The following CSMD1 variants were observed in gnomAD, a reference collection of about 807,000 sequenced individuals.
The protein encoded by CSMD1 is CUB and sushi domain-containing protein 1.
A neutral mutation model predicts 417.5 loss-of-function variants in CSMD1; 213 were observed. That is an observed-to-expected ratio of 0.51 (90% confidence interval 0.46 to 0.57). The LOEUF (loss-of-function observed/expected upper bound fraction) is 0.57, where lower values mean the gene tolerates loss of function less well. CSMD1 is among the 20% of genes least tolerant of loss of function. CSMD1 has a pLI of 0.00. For missense variants in CSMD1, 6,923 were observed against 4,529.7 expected (o/e 1.53, Z -15.17); for synonymous variants, 2,862 against 1,736.8 (o/e 1.65, Z -16.11).
At chr8:4,849,047 G>A (rs1290247562) in intron 1 of CSMD1, among the ~76,000 whole-genome samples, 2 of 152,208 alleles carry the variant, frequency 1.3e-5, no homozygotes, top group East Asian at 1.9e-4. Flanking sequence ...ACCTGTTATA[G>A]TCCCTGAAGA....
intron 3 of CSMD1, among the ~76,000 whole-genome samples, chr8:4,405,108 G>A (rs1266480225): frequency 6.6e-6 from 1 of 152,172 alleles, no homozygotes; most frequent in Non-Finnish European, 1.5e-5. Flanking sequence ...GAGATTTTCA[G>A]ACTATTGCCT....
At chr8:3,752,936 C>T (rs1036481406) in intron 6 of CSMD1, among the ~76,000 whole-genome samples, 1 of 152,132 alleles carries the variant, frequency 6.6e-6, no homozygotes, top group Admixed American at 6.6e-5. Flanking sequence ...GATATTTAGA[C>T]CAGTTTGTTG....
chr8:3,194,700 G>A (rs1474460547), intron 33 of CSMD1, among the ~76,000 whole-genome samples: 1 of 151,406 alleles, frequency 6.6e-6, no homozygotes, highest in South Asian at 2.1e-4. Flanking sequence ...AAACTCCTGA[G>A]CTCAGATAAT....
At chr8:3,786,247 G>A (rs1014362084) in intron 5 of CSMD1, among the ~76,000 whole-genome samples, 1 of 152,124 alleles carries the variant, frequency 6.6e-6, no homozygotes, top group Non-Finnish European at 1.5e-5. Flanking sequence ...ATTGTCGGGA[G>A]ATGTCAAGGC....
intron 6 of CSMD1, among the ~76,000 whole-genome samples, chr8:3,730,368 C>G (rs7843037): frequency 0.012 from 601 of 50,324 alleles, 7 homozygotes; most frequent in African/African-American, 0.03. Context: ...ATTTAAGGAG[C>G]GATTTTTTTT....
chr8:4,023,779 TTTTTTG>T lies in CSMD1; in HGVS notation c.610+8120_610+8125del, dbSNP rs1346889753. On this transcript the variant is annotated intron_variant, in intron 4 of 69. Coordinates refer to ENST00000635120, the MANE Select transcript of CSMD1 (RefSeq NM_033225.6). ...TTTTTTTTTTTTTTTTTTTTTTTTT[TTTTTTG>T]TGTGTGTATTTTTAGTAGAGACGGG... is the stretch of plus-strand genomic sequence containing the variant. 2.1e-3 allele frequency among the ~76,000 whole-genome samples: 220 copies of T among 105,360 alleles called. 2 individuals are homozygous for T. Among genetic ancestry groups the T allele is most frequent in the East Asian group, 4.3e-3 (8 of 1,862 alleles). The allele number at this position is 105,360 out of a possible 152,430, so 69.1% of individuals were successfully genotyped here.
At chr8:3,466,577 A>AT (rs35761429) in intron 12 of CSMD1, among the ~76,000 whole-genome samples, 8,596 of 113,550 alleles carry the variant, frequency 0.076, 571 homozygotes, top group East Asian at 0.14. Flanking sequence ...CAATCAGCTA[A>AT]TTTTTTTTTT....
chr8:4,648,490 C>T (rs1412925764), intron 1 of CSMD1, among the ~76,000 whole-genome samples: 1 of 152,162 alleles, frequency 6.6e-6, no homozygotes, highest in Admixed American at 6.5e-5. Context: ...TGCATGCACA[C>T]AAACACACAC....
intron 46 of CSMD1, among the ~76,000 whole-genome samples, chr8:3,101,772 T>C (rs1331878335): frequency 6.0e-5 from 9 of 150,104 alleles, no homozygotes; most frequent in Admixed American, 2.0e-4. Flanking sequence ...TCCCTAAAAT[T>C]GGTGATAATT....
chr8:3,817,470 G>A lies in CSMD1; in HGVS notation c.819-63428C>T, dbSNP rs142672688. 3.3e-4 allele frequency among the ~76,000 whole-genome samples: 50 copies of A among 151,346 alleles called. 3 individuals carry two copies. In the East Asian group the frequency reaches 9.6e-3, roughly 29 times the overall value. On this transcript the variant is annotated intron_variant, in intron 5 of 69. Transcript: ENST00000635120. ...TCATTTTTGTGTTTTTAGTAGAGACGGGGTTTCACCTCGTTAGCGAGGATG... is the reference window on the plus strand; with the variant it reads ...TCATTTTTGTGTTTTTAGTAGAGACAGGGTTTCACCTCGTTAGCGAGGATG...
At chr8:4,829,141 A>C (rs569736162) in intron 1 of CSMD1, among the ~76,000 whole-genome samples, 3 of 152,308 alleles carry the variant, frequency 2.0e-5, no homozygotes, top group Admixed American at 2.0e-4. Flanking sequence ...TTGGTTTATG[A>C]TTGATCCTGC....
intron 1 of CSMD1, among the ~76,000 whole-genome samples, chr8:4,977,611 C>T (rs951952346): frequency 7.2e-5 from 11 of 152,176 alleles, no homozygotes; most frequent in East Asian, 1.9e-4. Flanking sequence ...CTCCTGAACA[C>T]GCACCCACCC....
chr8:3,686,009 T>C (rs1464417034), intron 7 of CSMD1, among the ~76,000 whole-genome samples: 1 of 152,162 alleles, frequency 6.6e-6, no homozygotes, highest in Non-Finnish European at 1.5e-5. Flanking sequence ...TCTTTCTTTC[T>C]TTCTGTATTT....
intron 6 of CSMD1, among the ~76,000 whole-genome samples, chr8:3,730,748 T>A (rs148165163): frequency 0.01 from 1,553 of 152,306 alleles, 16 homozygotes; most frequent in South Asian, 0.028. Flanking sequence ...TCTATGCAGA[T>A]AGGACCAGAG....
chr8:3,598,926 C>G (rs929866248), intron 8 of CSMD1, among the ~76,000 whole-genome samples: 5 of 151,942 alleles, frequency 3.3e-5, no homozygotes, highest in African/African-American at 9.7e-5. Flanking sequence ...ATGAAAAATA[C>G]AAAAATTAAC....
intron 15 of CSMD1, among the ~76,000 whole-genome samples, chr8:3,402,052 A>G (rs1031517436): frequency 2.6e-5 from 4 of 152,028 alleles, no homozygotes; most frequent in East Asian, 3.9e-4. Flanking sequence ...TTGATTACAT[A>G]TGTGTATTTT....
intron 1 of CSMD1, among the ~76,000 whole-genome samples, chr8:4,752,846 G>C (rs753391492): frequency 6.6e-6 from 1 of 152,118 alleles, no homozygotes; most frequent in Non-Finnish European, 1.5e-5. Flanking sequence ...GAAATAACAA[G>C]TTGAGGAACT....
intron 1 of CSMD1, among the ~76,000 whole-genome samples, chr8:4,723,673 C>A (rs1809213677): frequency 6.6e-6 from 1 of 150,764 alleles, no homozygotes; most frequent in Admixed American, 6.6e-5. Flanking sequence ...CAGTTTTTAC[C>A]ACATTTTTGT....
Position 4,416,112 on chromosome 8 carries a change from C to G in CSMD1, c.415+3841G>C, listed in dbSNP as rs138837302. 4.9e-3 allele frequency among the ~76,000 whole-genome samples: 749 copies of G among 152,264 alleles called. 7 individuals are homozygous for G. The highest frequency in any genetic ancestry group is 0.017 in the African/African-American group (693 of 41,570). On this transcript the variant is annotated intron_variant, in intron 3 of 69. Transcript: ENST00000635120. The stretch of plus-strand genomic sequence containing the variant: ...ATTGTTATGAAAAATTGTGTCCTAT[C>G]TGTACAATTGCCTTACACTATGGAG...
Sources: gnomAD v4.1 joint callset for allele counts (sites outside exome capture counted in the v4.1 genomes callset) on GRCh38, gnomAD v4.1.1 for gene constraint, MANE v1.5 for transcripts, NCBI Gene and HGNC (gene_info 2026-07-23, HGNC 2026-07-21) for gene names.